Variants in AGPAT5 observed in about 807,000 individuals in gnomAD.
AGPAT5 encodes 1-acylglycerol-3-phosphate O-acyltransferase 5.
A neutral mutation model predicts 45.6 loss-of-function variants in AGPAT5; 46 were observed. The ratio of observed to expected loss-of-function variants is 1.01; its 90% CI spans 0.80 to 1.29. The LOEUF is 1.29. Among genes scored for constraint, AGPAT5 ranks in the 50% most tolerant of loss-of-function variants. The pLI is 0.00. For missense variants in AGPAT5, 673 were observed against 450.7 expected, an observed-to-expected ratio of 1.49 and a Z score of -4.47; for synonymous variants, 272 against 167.0, an observed-to-expected ratio of 1.63 and a Z score of -4.85.
In AGPAT5 at chr8:6,761,498, C is replaced by CA. The variant is rs1421020683; in HGVS notation, c.*4115dup. Among the ~76,000 whole-genome samples, 3 of 152,096 alleles carry CA rather than the reference C, an allele frequency of 2.0e-5. No homozygotes were observed. The highest frequency in any genetic ancestry group is 4.4e-5 in the Non-Finnish European group (3 of 68,026). On this transcript the variant is annotated 3_prime_UTR_variant, in exon 8 of 8. Transcript: ENST00000285518. The stretch of plus-strand genomic sequence containing the variant: ...CAGCAATAAAGGAAAATATGCATCT[C>CA]AAAAATTGGTGATAAAAAGTTATTT...
intron 4 of AGPAT5, among the ~76,000 whole-genome samples, chr8:6,741,350 GAGTC>G (rs771305426): frequency 6.0e-4 from 91 of 152,222 alleles, no homozygotes; most frequent in Non-Finnish European, 1.0e-3. Context: ...GGCTTTGTAT[GAGTC>G]AGCGTTTCAT....
chr8:6,751,601 G>A (rs1030129422), intron 6 of AGPAT5, among the ~76,000 whole-genome samples: 1 of 152,218 alleles, frequency 6.6e-6, no homozygotes, highest in Non-Finnish European at 1.5e-5. Context: ...TCATTTTAAG[G>A]GAGGTATAAA....
Position 6,759,303 on chromosome 8 carries a change from C to G in AGPAT5, c.*1915C>G, listed in dbSNP as rs1192257275. ...TTCTAACTCATTTTAACAAGGTAGC[C>G]TGACCTGCATAAGATCACTTGAATG... On this transcript the variant is annotated 3_prime_UTR_variant, in exon 8 of 8. Coordinates refer to ENST00000285518, the MANE Select transcript of AGPAT5 (RefSeq NM_018361.5). 3 of 152,150 alleles carry G rather than the reference C, an allele frequency of 2.0e-5. No individual in the cohort carries two copies. The highest frequency in any genetic ancestry group is 4.4e-5 in the Non-Finnish European group (3 of 68,026). 9.4% of individuals were successfully genotyped at this position (152,150 alleles called of 1,614,324 possible).
intron 1 of AGPAT5, among the ~76,000 whole-genome samples, chr8:6,721,496 A>G (rs1800496579): frequency 1.3e-5 from 2 of 152,216 alleles, no homozygotes; most frequent in South Asian, 2.1e-4. Flanking sequence ...TGTTGTATGA[A>G]GTAGTTTACA....
intron 1 of AGPAT5, among the ~76,000 whole-genome samples, chr8:6,711,458 C>G (rs1177019050): frequency 6.6e-6 from 1 of 152,184 alleles, no homozygotes; most frequent in African/African-American, 2.4e-5. Context: ...CAAATGGGTA[C>G]TTTCTTCACC....
At chr8:6,754,417 G>C (rs1191313787) in intron 6 of AGPAT5, among the ~76,000 whole-genome samples, 4 of 152,176 alleles carry the variant, frequency 2.6e-5, no homozygotes, top group Admixed American at 2.6e-4. Context: ...AGAAACCAAT[G>C]GCCAAGTTAG....
At chr8:6,736,348 C>A (rs1222901052) in intron 4 of AGPAT5, among the ~76,000 whole-genome samples, 1 of 152,146 alleles carries the variant, frequency 6.6e-6, no homozygotes, top group African/African-American at 2.4e-5. Flanking sequence ...CATTCAACTT[C>A]AGTGTTTTAA....
chr8:6,723,426 A>G (rs1478799879), intron 1 of AGPAT5, among the ~76,000 whole-genome samples: 1 of 152,012 alleles, frequency 6.6e-6, no homozygotes, highest in Admixed American at 6.6e-5. Flanking sequence ...GGCTTAAGAG[A>G]TCTTCCCTCC....
rs1012461036 is a variant in AGPAT5 at position 6,751,462 on chromosome 8, C to T, written c.746-3589C>T. Among the ~76,000 whole-genome samples, 18 of 152,208 alleles carry T rather than the reference C, an allele frequency of 1.2e-4. 1 individual carries two copies. The highest frequency in any genetic ancestry group is 3.1e-4 in the African/African-American group (13 of 41,444). On this transcript the variant is annotated intron_variant, in intron 6 of 7. Coordinates refer to ENST00000285518, the MANE Select transcript of AGPAT5 (RefSeq NM_018361.5). ...TACCAGGACGCTCTGCAGGTGAGAG[C>T]TGGGAAGCTGTAGAAGCTGCAGTGC...
At chr8:6,718,647 A>G (rs1800408553) in intron 1 of AGPAT5, among the ~76,000 whole-genome samples, 1 of 152,210 alleles carries the variant, frequency 6.6e-6, no homozygotes, top group African/African-American at 2.4e-5. Flanking sequence ...GCCCACTACT[A>G]GTATTTTTAC....
chr8:6,708,961 C>G, intron 1 of AGPAT5, 74 bp downstream of exon 1: 1 of 1,441,150 alleles, frequency 6.9e-7, no homozygotes, highest in Non-Finnish European at 9.5e-7. Flanking sequence ...CGCTCCCCCA[C>G]AGCTGGCGAG....
At chr8:6,751,882 T>C (rs1186209751) in intron 6 of AGPAT5, among the ~76,000 whole-genome samples, 1 of 152,188 alleles carries the variant, frequency 6.6e-6, no homozygotes, top group Non-Finnish European at 1.5e-5. Flanking sequence ...AATATTTTTA[T>C]ATTTAAAGTA....
chr8:6,742,728 A>G (rs1191503594), intron 5 of AGPAT5, among the ~76,000 whole-genome samples: 1 of 152,232 alleles, frequency 6.6e-6, no homozygotes, highest in Non-Finnish European at 1.5e-5. Flanking sequence ...CAAGGTGCTT[A>G]CAAGAGCAGA....
At chr8:6,738,548 G>A (rs1801133008) in intron 4 of AGPAT5, 1 of 152,166 alleles carries the variant, frequency 6.6e-6, no homozygotes, top group African/African-American at 2.4e-5. Context: ...ACAGAGACGT[G>A]AGGTGAGCAC....
chr8:6,713,500 A>G (rs1940159868), intron 1 of AGPAT5, among the ~76,000 whole-genome samples: 1 of 152,238 alleles, frequency 6.6e-6, no homozygotes, highest in African/African-American at 2.4e-5. Flanking sequence ...AAGAAAGAAG[A>G]TAAAGAATTT....
At chr8:6,723,566 A>G (rs714508) in intron 1 of AGPAT5, among the ~76,000 whole-genome samples, 9,473 of 152,282 alleles carry the variant, frequency 0.062, 378 homozygotes, top group African/African-American at 0.11. Context: ...TCTTGATGCA[A>G]TTCTGGCTTG....
intron 6 of AGPAT5, among the ~76,000 whole-genome samples, 156 bp from the exon 7 acceptor site, chr8:6,754,895 C>CTTT (rs10692820): frequency 6.6e-6 from 1 of 151,240 alleles, no homozygotes; most frequent in South Asian, 2.1e-4. Context: ...GTTTATAATC[C>CTTT]TTTTTTTTTA....
At chr8:6,740,505 A>T (rs1030113797) in intron 4 of AGPAT5, among the ~76,000 whole-genome samples, 8 of 148,296 alleles carry the variant, frequency 5.4e-5, no homozygotes, top group Non-Finnish European at 1.2e-4. Context: ...ATTAATTATT[A>T]AAAATAATAT....
chr8:6,738,768 C>T (rs766762480), intron 4 of AGPAT5, among the ~76,000 whole-genome samples: 24 of 151,974 alleles, frequency 1.6e-4, no homozygotes, highest in Non-Finnish European at 3.4e-4. Flanking sequence ...TTTTTGAGTA[C>T]GTGTGTTTTT....
Sources: gnomAD v4.1 joint callset for allele counts (sites outside exome capture counted in the v4.1 genomes callset) on GRCh38, gnomAD v4.1.1 for gene constraint, MANE v1.5 for transcripts, NCBI Gene and HGNC (gene_info 2026-07-23, HGNC 2026-07-21) for gene names.